The following UNC13C variants were observed in gnomAD, a reference collection of about 807,000 sequenced individuals.
UNC13C encodes unc-13 homolog C.
Under a neutral mutation model 245.4 loss-of-function variants are expected in UNC13C, and 174 were observed. The observed-to-expected ratio is 0.71, with a 90% CI of 0.63 to 0.80. UNC13C has a LOEUF of 0.80. Among genes scored for constraint, UNC13C ranks in the 30% least tolerant of loss-of-function variants. UNC13C has a pLI of 0.00. For missense variants in UNC13C, 2,829 were observed against 2,602.9 expected (o/e 1.09, Z -1.89); for synonymous variants, 992 against 895.1 (o/e 1.11, Z -1.93).
chr15:54,107,306 C>T (rs1439088320), intron 2 of UNC13C, among the ~76,000 whole-genome samples: 1 of 151,724 alleles, frequency 6.6e-6, no homozygotes, highest in African/African-American at 2.4e-5. Flanking sequence ...ACATCTATAA[C>T]AAAAAAATGT....
chr15:53,912,219 C>A, the UNC13C span: 1 of 152,230 alleles, frequency 6.6e-6, no homozygotes. Context: ...AGGGGCAAGA[C>A]AATGTTGTTC....
chr15:54,537,562 C>T (rs745608635), intron 26 of UNC13C, among the ~76,000 whole-genome samples: 1 of 152,036 alleles, frequency 6.6e-6, no homozygotes. Context: ...CCAGAGGCCT[C>T]ACAGGACCTG....
intron 19 of UNC13C, among the ~76,000 whole-genome samples, chr15:54,466,616 A>C (rs1222563728): frequency 6.6e-6 from 1 of 151,788 alleles, no homozygotes; most frequent in African/African-American, 2.4e-5. Context: ...TCTTTAAGAC[A>C]AAAAAATTAT....
At chr15:54,006,272 T>G (rs1022154891) in intron 1 of UNC13C, among the ~76,000 whole-genome samples, 1 of 152,218 alleles carries the variant, frequency 6.6e-6, no homozygotes, top group South Asian at 2.1e-4. Flanking sequence ...GTATGTGGGT[T>G]GTAGTTGGGT....
chr15:53,956,669 T>C, the UNC13C span, among the ~76,000 whole-genome samples: 1 of 149,870 alleles, frequency 6.7e-6, no homozygotes, highest in South Asian at 2.1e-4. Flanking sequence ...CACAGAGAAA[T>C]TGAACAGGGA....
chr15:54,549,387 T>C (rs1896632815), intron 27 of UNC13C, among the ~76,000 whole-genome samples: 1 of 152,180 alleles, frequency 6.6e-6, no homozygotes, highest in African/African-American at 2.4e-5. Context: ...CTGGCTACAT[T>C]AGTAGCAACC....
chr15:54,523,305 C>A (rs1200614145), intron 24 of UNC13C, among the ~76,000 whole-genome samples: 1 of 152,200 alleles, frequency 6.6e-6, no homozygotes, highest in Non-Finnish European at 1.5e-5. Flanking sequence ...GCCATGTACA[C>A]TGGCCTCAGA....
chr15:53,907,723 A>AAC, the UNC13C span, among the ~76,000 whole-genome samples: 2 of 116,892 alleles, frequency 1.7e-5, no homozygotes, highest in Admixed American at 9.3e-5. Context: ...TATTATCTAA[A>AAC]GAATTATTCA....
intron 2 of UNC13C, among the ~76,000 whole-genome samples, chr15:54,028,156 C>A (rs1368679782): frequency 6.6e-6 from 1 of 152,178 alleles, no homozygotes; most frequent in Non-Finnish European, 1.5e-5. Flanking sequence ...GTCATCTTGA[C>A]TCCTATATCT....
chr15:54,530,263 T>A (rs1895675759), intron 25 of UNC13C, among the ~76,000 whole-genome samples: 1 of 152,236 alleles, frequency 6.6e-6, no homozygotes, highest in Non-Finnish European at 1.5e-5. Context: ...AATTGACGTA[T>A]CTATCACCTT....
intron 17 of UNC13C, among the ~76,000 whole-genome samples, chr15:54,373,529 A>T (rs557629661): frequency 9.9e-5 from 15 of 152,246 alleles, no homozygotes; most frequent in African/African-American, 3.6e-4. Flanking sequence ...CATGGGTGCC[A>T]GCTCCCTGCA....
At chr15:54,137,865 T>A (rs1320190567) in intron 2 of UNC13C, among the ~76,000 whole-genome samples, 1 of 152,134 alleles carries the variant, frequency 6.6e-6, no homozygotes, top group Non-Finnish European at 1.5e-5. Flanking sequence ...TCTGCTGACA[T>A]TGGGCTTAGT....
downstream of UNC13C, chr15:54,630,011 T>G (rs971295921): frequency 6.6e-6 from 1 of 152,198 alleles, no homozygotes; most frequent in African/African-American, 2.4e-5. Context: ...TATATTTACT[T>G]ACCCAAATTA....
chr15:54,038,120 A>T (rs201827459), intron 2 of UNC13C, among the ~76,000 whole-genome samples: 4,544 of 44,572 alleles, frequency 0.1, 278 homozygotes, highest in African/African-American at 0.2. Flanking sequence ...ATATATATAT[A>T]TATATTTTTT....
chr15:54,604,269 T>G (rs192797908), intron 30 of UNC13C, among the ~76,000 whole-genome samples: 1 of 152,316 alleles, frequency 6.6e-6, no homozygotes, highest in East Asian at 1.9e-4. Flanking sequence ...GAATGTATAA[T>G]TTCCCACCAC....
chr15:54,172,731 T>G (rs1054647893), intron 4 of UNC13C, among the ~76,000 whole-genome samples: 3 of 67,828 alleles, frequency 4.4e-5, no homozygotes, highest in Non-Finnish European at 8.7e-5. Context: ...TATATATATA[T>G]ATATATATAT....
At chr15:54,442,146 T>C (rs1258320356) in intron 19 of UNC13C, among the ~76,000 whole-genome samples, 1 of 152,036 alleles carries the variant, frequency 6.6e-6, no homozygotes, top group Non-Finnish European at 1.5e-5. Flanking sequence ...TTTTTCCAAT[T>C]TTGATGCCTT....
At chr15:54,056,162 G>A (rs988386842) in intron 2 of UNC13C, among the ~76,000 whole-genome samples, 8 of 152,074 alleles carry the variant, frequency 5.3e-5, no homozygotes, top group Admixed American at 1.3e-4. Context: ...AAACTACTCC[G>A]AGCTAAAGGA....
At chr15:54,408,043 T>TA (rs1289354597) in intron 18 of UNC13C, among the ~76,000 whole-genome samples, 1 of 150,760 alleles carries the variant, frequency 6.6e-6, no homozygotes, top group Non-Finnish European at 1.5e-5. Flanking sequence ...CTACTAAAAA[T>TA]ACAAAAAATT....
Sources: gnomAD v4.1 joint callset for allele counts (sites outside exome capture counted in the v4.1 genomes callset) on GRCh38, gnomAD v4.1.1 for gene constraint, MANE v1.5 for transcripts, NCBI Gene and HGNC (gene_info 2026-07-23, HGNC 2026-07-21) for gene names.